RFT1: variants seen among roughly 807,000 people sequenced by gnomAD.
RFT1 encodes the protein man(5)GlcNAc(2)-PP-dolichol translocation protein RFT1.
RFT1 carries 43 observed loss-of-function variants against 62.2 expected under a neutral mutation model. That is an observed-to-expected ratio of 0.69 (90% CI 0.54 to 0.89). RFT1 has a LOEUF of 0.89. RFT1 is among the 40% of genes least tolerant of loss of function. The pLI is 0.00. For missense variants in RFT1, 605 were observed against 649.9 expected (o/e 0.93, Z 0.75); for synonymous variants, 262 against 264.6 (o/e 0.99, Z 0.10).
chr3:53,069,468 G>GA, the RFT1 span, among the ~76,000 whole-genome samples: 904 of 152,134 alleles, frequency 5.9e-3, 4 homozygotes, highest in Middle Eastern at 0.01. Flanking sequence ...AACCATAGTG[G>GA]AAAAATGGGG....
intron 5 of RFT1, 41 bp from the exon 6 acceptor site, chr3:53,120,062 AG>A: frequency 1.3e-6 from 2 of 1,535,920 alleles, no homozygotes; most frequent in Non-Finnish European, 1.8e-6. Context: ...GGCATAATTA[AG>A]ATATGCCTAT....
rs1700951777 is a variant in RFT1 at position 53,090,164 on chromosome 3, G to A, written c.*1739C>T. The A allele has an allele frequency of 6.5e-6, 1 of 152,884 alleles. No homozygotes were observed. The highest frequency in any genetic ancestry group is 2.4e-5 in the African/African-American group (1 of 41,456). 9.5% of individuals were successfully genotyped at this position (152,884 alleles called of 1,614,324 possible). Reference sequence around the variant, plus strand: ...TGACTTGCAATCCAGGTGATTCCGAGGCAGGTAGAATGAGGATCATGCTTG... The same window carrying A: ...TGACTTGCAATCCAGGTGATTCCGAAGCAGGTAGAATGAGGATCATGCTTG... On this transcript the variant is annotated 3_prime_UTR_variant, in exon 13 of 13. Transcript: ENST00000296292.
the RFT1 span, among the ~76,000 whole-genome samples, chr3:53,076,960 A>G: frequency 1.4e-4 from 22 of 152,090 alleles, no homozygotes; most frequent in African/African-American, 5.3e-4. Flanking sequence ...TCAAAAAAAA[A>G]AAAAAAGAGT....
At chr3:53,125,126 G>A (rs561397993) in intron 2 of RFT1, among the ~76,000 whole-genome samples, 2 of 152,356 alleles carry the variant, frequency 1.3e-5, no homozygotes, top group East Asian at 3.9e-4. Flanking sequence ...CTCCACAGAT[G>A]ATTCCTTTGC....
At chr3:53,102,154 G>A (rs959336656) in intron 10 of RFT1, among the ~76,000 whole-genome samples, 7 of 152,158 alleles carry the variant, frequency 4.6e-5, no homozygotes, top group African/African-American at 1.7e-4. Context: ...ACAGCCATGT[G>A]ACCGCAGTAC....
the RFT1 span, among the ~76,000 whole-genome samples, chr3:53,072,950 A>G: frequency 1.3e-5 from 2 of 152,348 alleles, no homozygotes; most frequent in South Asian, 4.1e-4. Context: ...AGCAACAAGC[A>G]GGCATTTCCT....
downstream of RFT1, among the ~76,000 whole-genome samples, chr3:53,087,490 G>C (rs924330053): frequency 6.6e-6 from 1 of 152,020 alleles, no homozygotes; most frequent in East Asian, 1.9e-4. Context: ...GCTCCTGCCT[G>C]TCTCTTCCTC....
chr3:53,128,618 A>T (rs1408581364), intron 1 of RFT1, among the ~76,000 whole-genome samples: 1 of 152,272 alleles, frequency 6.6e-6, no homozygotes, highest in Non-Finnish European at 1.5e-5. Flanking sequence ...ACTCGAGATC[A>T]TCCCACCTCA....
the RFT1 span, among the ~76,000 whole-genome samples, chr3:53,073,954 C>G: frequency 6.6e-6 from 1 of 152,206 alleles, no homozygotes; most frequent in East Asian, 1.9e-4. Context: ...CCAATTAGCA[C>G]TAATTGGACG....
chr3:53,111,753 G>A (rs1575494217), intron 7 of RFT1, 77 bp downstream of exon 7: 1 of 1,223,186 alleles, frequency 8.2e-7, no homozygotes, highest in Non-Finnish European at 1.2e-6. Flanking sequence ...AGGTGGTCTG[G>A]ACCCAGGTAA....
At chr3:53,114,126 G>A (rs139669925) in intron 6 of RFT1, among the ~76,000 whole-genome samples, 32 of 152,276 alleles carry the variant, frequency 2.1e-4, no homozygotes, top group African/African-American at 7.0e-4. Context: ...TGGGGACCAC[G>A]TCATCTTCAG....
At chr3:53,074,010 G>A in the RFT1 span, among the ~76,000 whole-genome samples, 12 of 152,186 alleles carry the variant, frequency 7.9e-5, no homozygotes, top group African/African-American at 1.4e-4. Context: ...TTAGGTCTGC[G>A]GGGCCCCGGT....
the RFT1 span, among the ~76,000 whole-genome samples, chr3:53,069,082 G>A: frequency 6.6e-6 from 1 of 152,240 alleles, no homozygotes; most frequent in South Asian, 2.1e-4. Flanking sequence ...TGGGACTACA[G>A]GCATGTGCCA....
chr3:53,106,696 A>G, intron 8 of RFT1, 123 bp downstream of exon 8: 1 of 803,022 alleles, frequency 1.2e-6, no homozygotes, highest in East Asian at 2.7e-5. Context: ...TACAATTTAC[A>G]ATCTTCAGGA....
At chr3:53,102,052 A>AT (rs1312196206) in intron 10 of RFT1, among the ~76,000 whole-genome samples, 1 of 152,076 alleles carries the variant, frequency 6.6e-6, no homozygotes, top group Admixed American at 6.6e-5. Flanking sequence ...AAAAAAAAAA[A>AT]AGTGGGGGAA....
chr3:53,094,720 T>A, intron 11 of RFT1, among the ~76,000 whole-genome samples: 1 of 152,030 alleles, frequency 6.6e-6, no homozygotes, highest in East Asian at 1.9e-4. Flanking sequence ...CTTTTAGCCA[T>A]CATTCCCCAA....
chr3:53,112,798 G>A (rs1701689355), intron 6 of RFT1, among the ~76,000 whole-genome samples: 1 of 152,072 alleles, frequency 6.6e-6, no homozygotes, highest in Admixed American at 6.6e-5. Flanking sequence ...ATTTCCTAAG[G>A]ACAAGGAAAC....
chr3:53,107,585 T>C (rs747048134), intron 7 of RFT1, among the ~76,000 whole-genome samples: 1 of 151,548 alleles, frequency 6.6e-6, no homozygotes, highest in Admixed American at 6.6e-5. Flanking sequence ...TATCCAAAGG[T>C]TCCTCAGGGG....
intron 7 of RFT1, among the ~76,000 whole-genome samples, chr3:53,108,634 C>T (rs1291921672): frequency 6.6e-5 from 10 of 150,948 alleles, no homozygotes; most frequent in Admixed American, 5.3e-4. Context: ...CCTCCCACCT[C>T]GGCCTCCCAA....
Sources: gnomAD v4.1 joint callset for allele counts (sites outside exome capture counted in the v4.1 genomes callset) on GRCh38, gnomAD v4.1.1 for gene constraint, MANE v1.5 for transcripts, NCBI Gene and HGNC (gene_info 2026-07-23, HGNC 2026-07-21) for gene names.